FBXL5: variants seen among roughly 807,000 people sequenced by gnomAD.
FBXL5 encodes F-box and leucine rich repeat protein 5, also known as F-box/LRR-repeat protein 5.
A neutral mutation model predicts 78.3 loss-of-function variants in FBXL5; 26 were observed. The observed-to-expected ratio is 0.33, with a 90% confidence interval of 0.24 to 0.46. FBXL5 has a LOEUF of 0.46. Among genes scored for constraint, FBXL5 ranks in the 20% least tolerant of loss-of-function variants. FBXL5 has a pLI of 1.00. For missense variants in FBXL5, 710 were observed against 829.2 expected (o/e 0.86, Z 1.77); for synonymous variants, 295 against 282.5 (o/e 1.04, Z -0.45).
At chr4:15,680,214 C>T (rs554523200) in intron 1 of FBXL5, among the ~76,000 whole-genome samples, 1 of 151,766 alleles carries the variant, frequency 6.6e-6, no homozygotes, top group South Asian at 2.1e-4. Context: ...GCATGAAGAC[C>T]GGAAGGATAA....
At chr4:15,641,336 A>G (rs1714853107) in intron 2 of FBXL5, among the ~76,000 whole-genome samples, 1 of 151,838 alleles carries the variant, frequency 6.6e-6, no homozygotes, top group African/African-American at 2.4e-5. Context: ...TTAATTACCG[A>G]TTTTCTTCTG....
chr4:15,638,383 G>T, intron 4 of FBXL5, 125 bp downstream of exon 4: 1 of 523,798 alleles, frequency 1.9e-6, no homozygotes, highest in Non-Finnish European at 3.2e-6. Flanking sequence ...TGAAAATAAT[G>T]CCTTTAACTG....
At chr4:15,615,013 C>T (rs1010664773) in intron 9 of FBXL5, among the ~76,000 whole-genome samples, 8 of 152,172 alleles carry the variant, frequency 5.3e-5, no homozygotes, top group Non-Finnish European at 1.2e-4. Flanking sequence ...TCAGAGCAGC[C>T]GGCCAGCCCT....
At chr4:15,609,944 C>T (rs550873330) in intron 10 of FBXL5, among the ~76,000 whole-genome samples, 1 of 152,102 alleles carries the variant, frequency 6.6e-6, no homozygotes, top group Admixed American at 6.5e-5. Context: ...GTATTAACTT[C>T]TTTTACATTT....
chr4:15,609,787 C>A (rs1722120146), intron 10 of FBXL5, among the ~76,000 whole-genome samples: 1 of 151,902 alleles, frequency 6.6e-6, no homozygotes, highest in African/African-American at 2.4e-5. Flanking sequence ...TATATCAAGA[C>A]ACTTTATGTA....
chr4:15,641,546 T>C, intron 2 of FBXL5: 1 of 446,976 alleles, frequency 2.2e-6, no homozygotes. Flanking sequence ...ATCCAGTATA[T>C]ATATTTTACA....
intron 1 of FBXL5, among the ~76,000 whole-genome samples, chr4:15,672,861 A>T (rs1025775118): frequency 6.6e-6 from 1 of 152,284 alleles, no homozygotes; most frequent in South Asian, 2.1e-4. Flanking sequence ...TACATGTTGT[A>T]CAGCTGTACA....
chr4:15,645,057 A>T (rs1357424658), intron 1 of FBXL5, among the ~76,000 whole-genome samples: 1 of 152,192 alleles, frequency 6.6e-6, no homozygotes, highest in African/African-American at 2.4e-5. Context: ...GAAATTTTAA[A>T]GAGGGAAACT....
At chr4:15,606,794 A>C (rs1158499509) in intron 10 of FBXL5, among the ~76,000 whole-genome samples, 1 of 152,182 alleles carries the variant, frequency 6.6e-6, no homozygotes, top group Non-Finnish European at 1.5e-5. Context: ...GAATATATCA[A>C]ATGGATTGTA....
chr4:15,640,939 C>G (rs1046988590), intron 2 of FBXL5, 56 bp from the exon 3 acceptor site: 171 of 958,834 alleles, frequency 1.8e-4, no homozygotes, highest in Non-Finnish European at 2.4e-4. Flanking sequence ...TTAATTATGT[C>G]TGGTCCCAGG....
At chr4:15,607,849 A>T (rs1326643556) in intron 10 of FBXL5, among the ~76,000 whole-genome samples, 2 of 152,142 alleles carry the variant, frequency 1.3e-5, no homozygotes, top group African/African-American at 4.8e-5. Flanking sequence ...TTCCATTCTA[A>T]ATTTTTTTAA....
chr4:15,620,200 GAAAAT>G (rs1016737374), intron 9 of FBXL5, among the ~76,000 whole-genome samples: 1 of 151,972 alleles, frequency 6.6e-6, no homozygotes, highest in African/African-American at 2.4e-5. Flanking sequence ...TAGCATCAAA[GAAAAT>G]AAAATATTAA....
chr4:15,641,136 TTTTA>T (rs1366740728), intron 2 of FBXL5, among the ~76,000 whole-genome samples: 2 of 152,164 alleles, frequency 1.3e-5, no homozygotes, highest in Non-Finnish European at 2.9e-5. Context: ...TGCCCACAGC[TTTTA>T]TTGATGTATA....
intron 10 of FBXL5, among the ~76,000 whole-genome samples, chr4:15,609,016 G>A (rs1722065569): frequency 6.6e-6 from 1 of 152,174 alleles, no homozygotes; most frequent in Non-Finnish European, 1.5e-5. Flanking sequence ...GTTCAGAGAA[G>A]TGAATAAATG....
chr4:15,617,258 A>C (rs2148544211), intron 9 of FBXL5, among the ~76,000 whole-genome samples: 1 of 152,294 alleles, frequency 6.6e-6, no homozygotes, highest in African/African-American at 2.4e-5. Flanking sequence ...AATGTGGTAC[A>C]AGGCCGGGCA....
At chr4:15,624,600 TAAAA>T (rs61627875) in intron 9 of FBXL5, among the ~76,000 whole-genome samples, 6 of 130,338 alleles carry the variant, frequency 4.6e-5, no homozygotes, top group Non-Finnish European at 9.8e-5. Context: ...TCTAGGAGGT[TAAAA>T]AAAAAAAAAA....
chr4:15,629,120 G>A (rs1162156203), intron 6 of FBXL5, among the ~76,000 whole-genome samples: 4 of 151,882 alleles, frequency 2.6e-5, no homozygotes, highest in Non-Finnish European at 4.4e-5. Flanking sequence ...CAGCCAAACC[G>A]AAAAAAGCAC....
intron 1 of FBXL5, among the ~76,000 whole-genome samples, chr4:15,668,956 T>C (rs371748689): frequency 6.6e-6 from 1 of 152,224 alleles, no homozygotes; most frequent in East Asian, 1.9e-4. Flanking sequence ...TTGGAAGCAA[T>C]AGTTACTATA....
At chr4:15,634,258 C>T (rs1012730308) in intron 5 of FBXL5, among the ~76,000 whole-genome samples, 32 of 152,250 alleles carry the variant, frequency 2.1e-4, no homozygotes, top group African/African-American at 7.5e-4. Context: ...GATCATGGCT[C>T]ACTGCAGCCT....
Sources: gnomAD v4.1 joint callset for allele counts (sites outside exome capture counted in the v4.1 genomes callset) on GRCh38, gnomAD v4.1.1 for gene constraint, MANE v1.5 for transcripts, NCBI Gene and HGNC (gene_info 2026-07-23, HGNC 2026-07-21) for gene names.